The following FGGY variants were observed in gnomAD, a reference collection of about 807,000 sequenced individuals.
FGGY encodes the protein FGGY carbohydrate kinase domain containing.
A neutral mutation model predicts 71.3 loss-of-function variants in FGGY; 72 were observed. The ratio of observed to expected loss-of-function variants is 1.01; its 90% CI spans 0.84 to 1.23. The LOEUF is 1.23. FGGY is among the 50% of genes most tolerant of loss of function. The pLI is 0.00. For synonymous variants in FGGY, 251 were observed against 250.3 expected (o/e 1.00, Z -0.02); for missense variants, 668 against 682.3 (o/e 0.98, Z 0.23).
rs1302965087 is a variant in FGGY, at chr1:59,691,626, CT to C, written c.1512+17502del. On this transcript the variant is annotated intron_variant, in intron 14 of 15. Coordinates refer to ENST00000303721, the MANE Select transcript of FGGY (RefSeq NM_018291.5). ...AAAAGCCTTCTCTTTCTTTTTTGTT[CT>C]TTTTTTTTCTTTTCTTTTTTTTTTT... Among the ~76,000 whole-genome samples the C allele has an allele frequency of 9.7e-5, 14 of 144,812 alleles. No homozygotes were observed. In the East Asian group the frequency reaches 1.2e-3, roughly 13 times the overall value.
chr1:59,591,313 T>A (rs974681474), intron 8 of FGGY, among the ~76,000 whole-genome samples: 1 of 152,146 alleles, frequency 6.6e-6, no homozygotes, highest in African/African-American at 2.4e-5. Flanking sequence ...TGGAAGAACA[T>A]TCCATGCTCA....
At chr1:59,559,853 A>G (rs1249985564) in intron 8 of FGGY, among the ~76,000 whole-genome samples, 1 of 152,228 alleles carries the variant, frequency 6.6e-6, no homozygotes, top group Non-Finnish European at 1.5e-5. Flanking sequence ...CCATAAGACC[A>G]TACTGACATA....
chr1:59,620,395 G>A (rs925978921), intron 9 of FGGY, among the ~76,000 whole-genome samples: 2 of 151,304 alleles, frequency 1.3e-5, no homozygotes, highest in South Asian at 2.1e-4. Context: ...AAATCACCGT[G>A]GCACTTTTCC....
intron 6 of FGGY, among the ~76,000 whole-genome samples, chr1:59,482,677 A>G (rs1357056519): frequency 6.6e-6 from 1 of 151,210 alleles, no homozygotes; most frequent in Non-Finnish European, 1.5e-5. Flanking sequence ...TGTCTTTTAT[A>G]TATAGTATCA....
intron 7 of FGGY, among the ~76,000 whole-genome samples, chr1:59,539,346 A>G (rs2095403490): frequency 1.3e-5 from 2 of 152,346 alleles, no homozygotes; most frequent in Non-Finnish European, 2.9e-5. Flanking sequence ...GGAAAACTCC[A>G]TAATGCCAGA....
intron 9 of FGGY, among the ~76,000 whole-genome samples, chr1:59,621,459 C>CAAAAAAAAAAAAAAAAAAAAAAAAAAAAA (rs56172542): frequency 1.0e-5 from 1 of 98,802 alleles, no homozygotes; most frequent in Non-Finnish European, 1.9e-5. Context: ...GCCTCCGTCT[C>CAAAAAAAAAAAAAAAAAAAAAAAAAAAAA]AAAAAAAAAA....
At chr1:59,386,060 G>A (rs891317839) in intron 5 of FGGY, among the ~76,000 whole-genome samples, 7 of 152,056 alleles carry the variant, frequency 4.6e-5, no homozygotes, top group Non-Finnish European at 8.8e-5. Flanking sequence ...TTGTGAAGAC[G>A]CTACAGAATT....
intron 5 of FGGY, among the ~76,000 whole-genome samples, chr1:59,393,482 T>C (rs984642042): frequency 1.3e-5 from 2 of 152,198 alleles, no homozygotes; most frequent in Admixed American, 1.3e-4. Flanking sequence ...ACAAGTTCTG[T>C]GAAACAGGGG....
At chr1:59,468,744 C>T (rs937216751) in intron 6 of FGGY, among the ~76,000 whole-genome samples, 19 of 151,676 alleles carry the variant, frequency 1.3e-4, no homozygotes, top group African/African-American at 2.4e-4. Flanking sequence ...TGGTCGCGGG[C>T]GCCTGTAGTC....
chr1:59,736,071 A>C (rs2098100509), intron 14 of FGGY, among the ~76,000 whole-genome samples: 1 of 152,102 alleles, frequency 6.6e-6, no homozygotes. Flanking sequence ...ACAAGATCTG[A>C]CAGTATTATA....
chr1:59,542,711 C>T (rs1449557117), intron 7 of FGGY, among the ~76,000 whole-genome samples: 1 of 152,030 alleles, frequency 6.6e-6, no homozygotes, highest in Non-Finnish European at 1.5e-5. Flanking sequence ...CTGCCTTGGC[C>T]TCCCAAAGTG....
At chr1:59,416,162 CAGTT>C (rs145135198) in intron 5 of FGGY, among the ~76,000 whole-genome samples, 6,985 of 152,222 alleles carry the variant, frequency 0.046, 230 homozygotes, top group Middle Eastern at 0.075. Context: ...TTATTTAAAT[CAGTT>C]AGTTGCAGTG....
chr1:59,525,659 A>G (rs373994585), intron 7 of FGGY, among the ~76,000 whole-genome samples: 3 of 152,222 alleles, frequency 2.0e-5, no homozygotes, highest in African/African-American at 7.2e-5. Flanking sequence ...TTACAGGTAG[A>G]TGACGTCTTC....
intron 6 of FGGY, among the ~76,000 whole-genome samples, chr1:59,509,301 A>G (rs921190344): frequency 2.6e-5 from 4 of 152,078 alleles, no homozygotes; most frequent in Non-Finnish European, 5.9e-5. Flanking sequence ...GAAGATCCTT[A>G]TATTCTCTCT....
chr1:59,493,178 T>C (rs2153591592), intron 6 of FGGY, among the ~76,000 whole-genome samples: 1 of 151,078 alleles, frequency 6.6e-6, no homozygotes, highest in East Asian at 2.0e-4. Flanking sequence ...TTGGAAACCT[T>C]GTGCAGTGTT....
intron 7 of FGGY, among the ~76,000 whole-genome samples, chr1:59,527,378 A>C (rs557777229): frequency 6.6e-6 from 1 of 152,336 alleles, no homozygotes; most frequent in South Asian, 2.1e-4. Flanking sequence ...GTATTCCTGC[A>C]TCTCTACCTT....
At chr1:59,660,437 C>G in intron 12 of FGGY, 144 bp downstream of exon 12, 1 of 565,244 alleles carries the variant, frequency 1.8e-6, no homozygotes, top group Non-Finnish European at 3.0e-6. Flanking sequence ...TCTTGTATGT[C>G]TGGAAGGAAG....
At chr1:59,496,673 CTAAAA>C (rs1383417319) in intron 6 of FGGY, among the ~76,000 whole-genome samples, 7 of 150,836 alleles carry the variant, frequency 4.6e-5, no homozygotes, top group Non-Finnish European at 2.9e-5. Context: ...ACCCCTGAGC[CTAAAA>C]TAAAAGTTAA....
chr1:59,643,482 A>C (rs76784900), intron 11 of FGGY, among the ~76,000 whole-genome samples: 1 of 152,138 alleles, frequency 6.6e-6, no homozygotes, highest in Non-Finnish European at 1.5e-5. Flanking sequence ...GGCATGAAAC[A>C]CTGTTCCCAG....
Sources: gnomAD v4.1 joint callset for allele counts (sites outside exome capture counted in the v4.1 genomes callset) on GRCh38, gnomAD v4.1.1 for gene constraint, MANE v1.5 for transcripts, NCBI Gene and HGNC (gene_info 2026-07-23, HGNC 2026-07-21) for gene names.